The following UGT2A2 variants were observed in gnomAD, a reference collection of about 807,000 sequenced individuals.
UGT2A2 encodes the protein UDP glucuronosyltransferase family 2 member A2, also known as UDP-glucuronosyltransferase 2A2.
In UGT2A2, 60 loss-of-function variants were observed where a neutral mutation model predicts 50.7. That is an observed-to-expected ratio of 1.18 (90% CI 0.96 to 1.47). The LOEUF is 1.47. Ranked by LOEUF, UGT2A2 falls within the 40% of genes most tolerant of loss-of-function variation. The pLI, the probability that UGT2A2 is intolerant of heterozygous loss-of-function variation, is 0.00. For missense variants in UGT2A2, 762 were observed against 634.0 expected (o/e 1.20, Z -2.17); for synonymous variants, 242 against 214.6 (o/e 1.13, Z -1.11).
At chr4:69,598,710 G>GTT (rs4148317) in intron 2 of UGT2A2, among the ~76,000 whole-genome samples, 1 of 149,084 alleles carries the variant, frequency 6.7e-6, no homozygotes, top group East Asian at 2.0e-4. Flanking sequence ...ACTCAAAAGA[G>GTT]TTTTTTTTTT....
chr4:69,618,122 C>G (rs1431478938), intron 1 of UGT2A2, among the ~76,000 whole-genome samples: 1 of 151,210 alleles, frequency 6.6e-6, no homozygotes, highest in Non-Finnish European at 1.5e-5. Context: ...TATTTAGTAT[C>G]CGTGTACGTA....
intron 2 of UGT2A2, among the ~76,000 whole-genome samples, chr4:69,597,842 A>T (rs908285606): frequency 6.6e-5 from 10 of 152,108 alleles, no homozygotes; most frequent in African/African-American, 2.4e-4. Context: ...GATTGGCGTA[A>T]TTATTTCATC....
In UGT2A2 at chr4:69,589,283, T is replaced by C; in HGVS notation, c.*89A>G. On this transcript the variant is annotated 3_prime_UTR_variant, in exon 6 of 6. Transcript: ENST00000604629. ...AAACAGGATGGGAGACGTGTTTTTGTTAAACTCCTTTTGTCTGGAATTAAT... is the reference window on the plus strand; with the variant it reads ...AAACAGGATGGGAGACGTGTTTTTGCTAAACTCCTTTTGTCTGGAATTAAT... The C allele has an allele frequency of 5.0e-6, 7 of 1,402,490 alleles. No homozygotes were observed. The highest frequency in any genetic ancestry group is 6.6e-6 in the Non-Finnish European group (7 of 1,068,562). The allele number at this position is 1,402,490 out of a possible 1,614,324, so 86.9% of individuals were successfully genotyped here.
intron 1 of UGT2A2, among the ~76,000 whole-genome samples, chr4:69,614,511 C>G (rs1401067197): frequency 6.6e-6 from 1 of 151,660 alleles, no homozygotes; most frequent in African/African-American, 2.4e-5. Flanking sequence ...CCAGAATAGC[C>G]AAAGCTATTC....
intron 3 of UGT2A2, 131 bp from the exon 4 acceptor site, chr4:69,595,380 G>A (rs1718862402): frequency 3.1e-6 from 3 of 983,106 alleles, no homozygotes; most frequent in Admixed American, 2.4e-5. Context: ...GTTTACAAAC[G>A]TTGAGATACG....
rs76717232 is a variant in UGT2A2 at position 69,638,488 on chromosome 4, T to C, written c.742+411A>G. On this transcript the variant is annotated intron_variant, in intron 1 of 5. Coordinates refer to ENST00000604629, the MANE Select transcript of UGT2A2 (RefSeq NM_001105677.2). ...TCCAGTTTTCTATTGCCTGATTCTATGCTTTTCAAAGCTTTCTGCAGACAA... is the reference window on the plus strand; with the variant it reads ...TCCAGTTTTCTATTGCCTGATTCTACGCTTTTCAAAGCTTTCTGCAGACAA... Among the ~76,000 whole-genome samples, 9 of 152,292 alleles carry C rather than the reference T, an allele frequency of 5.9e-5. No individual in the cohort carries two copies. The East Asian group carries it at 1.5e-3, about 26-fold the overall frequency.
intron 1 of UGT2A2, among the ~76,000 whole-genome samples, chr4:69,613,592 C>A (rs535954097): frequency 5.3e-5 from 8 of 152,094 alleles, no homozygotes; most frequent in Non-Finnish European, 8.8e-5. Flanking sequence ...ATTTAGCAAT[C>A]TGAATTCAAC....
chr4:69,620,286 T>G (rs540552219), intron 1 of UGT2A2, among the ~76,000 whole-genome samples: 2 of 126,566 alleles, frequency 1.6e-5, no homozygotes, highest in African/African-American at 6.4e-5. Context: ...ACAGTAAAGT[T>G]TCAGGAAAAA....
intron 2 of UGT2A2, among the ~76,000 whole-genome samples, chr4:69,597,858 T>C (rs1719031956): frequency 6.6e-6 from 1 of 152,170 alleles, no homozygotes; most frequent in Admixed American, 6.5e-5. Flanking sequence ...TCATCAGCAA[T>C]ATAACCCATG....
intron 1 of UGT2A2, among the ~76,000 whole-genome samples, chr4:69,607,211 C>A (rs1472259198): frequency 6.7e-6 from 1 of 149,840 alleles, no homozygotes; most frequent in Non-Finnish European, 1.5e-5. Context: ...GTACTGGTAC[C>A]AAAACAGAGA....
intron 1 of UGT2A2, among the ~76,000 whole-genome samples, chr4:69,602,957 A>G (rs1322835122): frequency 7.4e-6 from 1 of 135,186 alleles, no homozygotes; most frequent in Non-Finnish European, 1.6e-5. Context: ...AATCCCAGAT[A>G]CTCTAGAGGC....
intron 1 of UGT2A2, chr4:69,599,682 G>A: frequency 3.9e-6 from 1 of 258,004 alleles, no homozygotes; most frequent in Admixed American, 5.8e-5. Context: ...GAAGAAAGAG[G>A]TAGAAATAAA....
intron 2 of UGT2A2, 104 bp downstream of exon 2, chr4:69,599,142 G>A (rs1458380314): frequency 1.4e-6 from 2 of 1,423,838 alleles, no homozygotes; most frequent in East Asian, 2.5e-5. Flanking sequence ...GTAGCAAACT[G>A]AAATGTCCAG....
intron 1 of UGT2A2, among the ~76,000 whole-genome samples, chr4:69,612,094 C>T (rs528560741): frequency 2.1e-4 from 32 of 152,176 alleles, no homozygotes; most frequent in African/African-American, 7.2e-4. Context: ...ACACTAGCCT[C>T]AAAGCCTTCC....
rs556985597 is a variant in UGT2A2 at position 69,630,432 on chromosome 4, C to A, written c.742+8467G>T. On this transcript the variant is annotated intron_variant, in intron 1 of 5. Coordinates refer to ENST00000604629, the MANE Select transcript of UGT2A2 (RefSeq NM_001105677.2). ...GCTACCTTTGTCATTTCCCCAGCAC[C>A]ACAAGCCATAGTTTTTATCAACCAT... is the stretch of plus-strand genomic sequence containing the variant. 5.3e-5 allele frequency among the ~76,000 whole-genome samples: 8 copies of A among 152,172 alleles called. No homozygotes were observed. In the South Asian group the frequency reaches 1.5e-3, roughly 28 times the overall value.
chr4:69,625,287 T>G (rs1720987836), intron 1 of UGT2A2, among the ~76,000 whole-genome samples: 1 of 151,044 alleles, frequency 6.6e-6, no homozygotes, highest in Non-Finnish European at 1.5e-5. Flanking sequence ...TTCTTTTTAC[T>G]TGGTTAATTG....
At chr4:69,599,190 G>A (rs554218464) in intron 2 of UGT2A2, 56 bp downstream of exon 2, 35 of 1,530,312 alleles carry the variant, frequency 2.3e-5, no homozygotes, top group Non-Finnish European at 2.9e-5. Context: ...AACTTTAAAA[G>A]AAAATTAAGT....
chr4:69,614,304 G>A (rs913348112), intron 1 of UGT2A2, among the ~76,000 whole-genome samples: 3 of 151,806 alleles, frequency 2.0e-5, no homozygotes, highest in Non-Finnish European at 2.9e-5. Context: ...ACAAAATATG[G>A]ATGAAAAAGA....
At chr4:69,616,275 G>C (rs1720377395) in intron 1 of UGT2A2, among the ~76,000 whole-genome samples, 1 of 151,790 alleles carries the variant, frequency 6.6e-6, no homozygotes, top group South Asian at 2.1e-4. Context: ...ATGATTAATA[G>C]CTACAAAAAT....
Sources: allele counts gnomAD v4.1 joint callset (sites outside exome capture counted in the v4.1 genomes callset), GRCh38; gene constraint gnomAD v4.1.1; transcripts MANE v1.5; gene names NCBI Gene and HGNC (gene_info 2026-07-23, HGNC 2026-07-21).